DPP6: variants seen among roughly 807,000 people sequenced by gnomAD.
DPP6 encodes dipeptidyl peptidase like 6.
Under a neutral mutation model 122.6 loss-of-function variants are expected in DPP6, and 69 were observed. The observed-to-expected ratio is 0.56, with a 90% CI of 0.46 to 0.69. The LOEUF is 0.69. DPP6 is among the 30% of genes least tolerant of loss of function. The probability of loss-of-function intolerance (pLI) is 0.00; values close to 1 mark genes in which losing one functional copy is unlikely to be tolerated. For missense variants in DPP6, 928 were observed against 1,116.9 expected, an observed-to-expected ratio of 0.83 and a Z score of 2.41; for synonymous variants, 418 against 433.1, an observed-to-expected ratio of 0.97 and a Z score of 0.43.
intron 1 of DPP6, among the ~76,000 whole-genome samples, chr7:154,131,614 A>G (rs1411251155): frequency 6.6e-6 from 1 of 152,290 alleles, no homozygotes; most frequent in Non-Finnish European, 1.5e-5. Context: ...GGATTAGCAG[A>G]ATGTTTGATT....
chr7:154,271,643 A>T (rs748885966), intron 1 of DPP6, among the ~76,000 whole-genome samples: 6 of 152,174 alleles, frequency 3.9e-5, no homozygotes, highest in Non-Finnish European at 7.3e-5. Context: ...CCATGTGGCC[A>T]TACTGTGACA....
chr7:154,872,018 A>G (rs1293595142), intron 18 of DPP6, among the ~76,000 whole-genome samples: 1 of 152,144 alleles, frequency 6.6e-6, no homozygotes, highest in African/African-American at 2.4e-5. Context: ...ACGGGATCCA[A>G]TGGGCTGTAC....
chr7:154,840,920 C>T (rs1208997155), intron 16 of DPP6, among the ~76,000 whole-genome samples: 1 of 152,124 alleles, frequency 6.6e-6, no homozygotes, highest in Non-Finnish European at 1.5e-5. Flanking sequence ...ATCCTATCGG[C>T]GACTGTCAAT....
chr7:154,230,395 G>C (rs1351041547), intron 1 of DPP6, among the ~76,000 whole-genome samples: 2 of 152,190 alleles, frequency 1.3e-5, no homozygotes, highest in African/African-American at 4.8e-5. Flanking sequence ...AGTTTCTCTT[G>C]CCTTCTTTCC....
upstream of DPP6, among the ~76,000 whole-genome samples, chr7:154,047,433 CGTTTAATCTAATACA>C (rs1164052811): frequency 6.7e-6 from 1 of 149,758 alleles, no homozygotes; most frequent in Non-Finnish European, 1.5e-5. Flanking sequence ...AGTCATATCT[CGTTTAATCTAATACA>C]GTTTGATCTA....
upstream of DPP6, among the ~76,000 whole-genome samples, chr7:154,052,074 GA>G (rs1800374194): frequency 6.6e-6 from 1 of 150,460 alleles, no homozygotes. The surrounding 1 kb of genome is among the most constrained non-coding windows in gnomAD (Gnocchi z 4.8). Context: ...TGCCTGCCTC[GA>G]CCTCCGCATC....
Position 154,770,492 on chromosome 7 carries a change from C to T in DPP6, c.1038+921C>T, listed in dbSNP as rs539299398. Among the ~76,000 whole-genome samples the T allele has an allele frequency of 7.9e-5, 12 of 152,276 alleles. No individual in the cohort carries two copies. The South Asian group carries it at 1.0e-3, about 13-fold the overall frequency. ...TTATAAAAGAGACCCCAGAGAGACC[C>T]CTCTCTGATTCCACCATGTGACCAT... On this transcript the variant is annotated intron_variant, in intron 9 of 25. Coordinates refer to ENST00000377770, the MANE Select transcript of DPP6 (RefSeq NM_130797.4).
intron 10 of DPP6, among the ~76,000 whole-genome samples, chr7:154,792,059 A>G (rs1257907485): frequency 6.6e-6 from 1 of 152,292 alleles, no homozygotes; most frequent in Non-Finnish European, 1.5e-5. Flanking sequence ...ACAATTGAGA[A>G]CAAAAGCAGC....
At chr7:154,640,261 A>AAAAAC (rs930356284) in intron 6 of DPP6, among the ~76,000 whole-genome samples, 11 of 152,024 alleles carry the variant, frequency 7.2e-5, no homozygotes, top group Non-Finnish European at 1.0e-4. Flanking sequence ...AAACAAAAAC[A>AAAAAC]AAAACAACAA....
At chr7:153,874,208 T>C in the DPP6 span, among the ~76,000 whole-genome samples, 1 of 150,252 alleles carries the variant, frequency 6.7e-6, no homozygotes, top group East Asian at 2.0e-4. Flanking sequence ...AACAAAATAA[T>C]TGAACAAAGA....
At position 154,282,882 on chromosome 7, in the gene DPP6, T is replaced by C. The variant is rs1804616248; in HGVS notation, c.244-163332T>C. Among the ~76,000 whole-genome samples the C allele has an allele frequency of 6.6e-6, 1 of 152,192 alleles. No homozygotes were observed. The highest frequency in any genetic ancestry group is 2.1e-4 in the South Asian group (1 of 4,826). On this transcript the variant is annotated intron_variant, in intron 1 of 25. Coordinates refer to ENST00000377770, the MANE Select transcript of DPP6 (RefSeq NM_130797.4). This position sits in a 1 kb window ranked among gnomAD's most constrained non-coding sequence, Gnocchi z 4.8. ...GCCACTCTTTGGAGCCACATCTGAA[T>C]GCCAGAAGTTCCCTTGACATCCTGC... is the stretch of plus-strand genomic sequence containing the variant.
At chr7:153,788,532 A>G in the DPP6 span, among the ~76,000 whole-genome samples, 1 of 152,196 alleles carries the variant, frequency 6.6e-6, no homozygotes, top group Admixed American at 6.5e-5. Flanking sequence ...ATGGCATCTC[A>G]CAGTCCACAT....
chr7:154,118,076 G>T (rs376305210), intron 1 of DPP6, among the ~76,000 whole-genome samples: 24 of 143,746 alleles, frequency 1.7e-4, no homozygotes, highest in Non-Finnish European at 1.3e-4. Flanking sequence ...AACATCAGGG[G>T]TGTTGTGTGG....
At chr7:154,785,114 C>T (rs961958026) in intron 10 of DPP6, among the ~76,000 whole-genome samples, 2 of 152,126 alleles carry the variant, frequency 1.3e-5, no homozygotes, top group Non-Finnish European at 1.5e-5. Flanking sequence ...TCCATGACAC[C>T]GTGGGTTTAT....
At chr7:153,759,023 A>G in the DPP6 span, among the ~76,000 whole-genome samples, 1 of 151,472 alleles carries the variant, frequency 6.6e-6, no homozygotes, top group African/African-American at 2.4e-5. Context: ...GGTTCCCCCA[A>G]ATCCTTGCCC....
At chr7:153,865,552 C>T in the DPP6 span, among the ~76,000 whole-genome samples, 1 of 152,170 alleles carries the variant, frequency 6.6e-6, no homozygotes, top group Non-Finnish European at 1.5e-5. Context: ...AATTAAATTA[C>T]ATATAAAAAT....
At chr7:154,134,711 T>C (rs1471104305) in intron 1 of DPP6, among the ~76,000 whole-genome samples, 1 of 152,220 alleles carries the variant, frequency 6.6e-6, no homozygotes, top group African/African-American at 2.4e-5. Context: ...GTACACTTCC[T>C]GTGAGCTTAC....
chr7:153,759,939 C>T, the DPP6 span, among the ~76,000 whole-genome samples: 1 of 151,322 alleles, frequency 6.6e-6, no homozygotes, highest in East Asian at 1.9e-4. Context: ...CTCTCTGTTT[C>T]TGTCTCTCTC....
intron 1 of DPP6, among the ~76,000 whole-genome samples, chr7:154,345,775 C>G (rs1482804051): frequency 2.0e-5 from 3 of 152,204 alleles, no homozygotes; most frequent in Admixed American, 6.5e-5. Flanking sequence ...TTTATGGTCC[C>G]TGGAACTGGG....
Sources: gnomAD v4.1 joint callset for allele counts (sites outside exome capture counted in the v4.1 genomes callset) on GRCh38, gnomAD v4.1.1 for gene constraint, Gnocchi (gnomAD v3.1) non-coding constraint, MANE v1.5 for transcripts, NCBI Gene and HGNC (gene_info 2026-07-23, HGNC 2026-07-21) for gene names.